The following CHD7 variants were observed in gnomAD, a reference collection of about 807,000 sequenced individuals.
CHD7 encodes the protein ATP-dependent chromatin remodeler CHD7.
Under a neutral mutation model 307.3 loss-of-function variants are expected in CHD7, and 24 were observed. The observed-to-expected ratio is 0.08, with a 90% CI of 0.06 to 0.11. The LOEUF (loss-of-function observed/expected upper bound fraction) is 0.11, where lower values mean the gene tolerates loss of function less well. Among genes scored for constraint, CHD7 ranks in the 10% least tolerant of loss-of-function variants. The pLI, the probability that CHD7 is intolerant of heterozygous loss-of-function variation, is 1.00. For missense variants in CHD7, 3,106 were observed against 3,727.1 expected, an observed-to-expected ratio of 0.83 and a Z score of 4.34; for synonymous variants, 1,363 against 1,349.9, an observed-to-expected ratio of 1.01 and a Z score of -0.21.
intron 19 of CHD7, among the ~76,000 whole-genome samples, chr8:60,839,052 G>T (rs1265515979): frequency 6.6e-6 from 1 of 152,190 alleles, no homozygotes; most frequent in Non-Finnish European, 1.5e-5. Flanking sequence ...ACCCCAGAAA[G>T]GTCCTCATGC....
intron 1 of CHD7, among the ~76,000 whole-genome samples, chr8:60,717,948 C>T (rs116151217): frequency 0.025 from 3,315 of 132,480 alleles, 125 homozygotes; most frequent in African/African-American, 0.076. Context: ...TTGGAGTATA[C>T]CCCTTCTACC....
chr8:60,699,964 G>C (rs1423213402), intron 1 of CHD7, among the ~76,000 whole-genome samples: 1 of 151,890 alleles, frequency 6.6e-6, no homozygotes, highest in Non-Finnish European at 1.5e-5. Flanking sequence ...CCGAGTAGCT[G>C]GGATTACAGG....
chr8:60,763,002 C>T (rs1390877833), intron 2 of CHD7, among the ~76,000 whole-genome samples: 1 of 149,352 alleles, frequency 6.7e-6, no homozygotes, highest in Non-Finnish European at 1.5e-5. Flanking sequence ...GGGGGGGCGG[C>T]AGGGGGAGGT....
intron 24 of CHD7, 76 bp from the exon 25 acceptor site, chr8:60,848,975 A>G: frequency 8.8e-7 from 1 of 1,136,300 alleles, no homozygotes; most frequent in Admixed American, 1.7e-5. Flanking sequence ...GAGAGAGGGC[A>G]TGTGAGCTAT....
At chr8:60,802,131 C>A (rs535707990) in intron 6 of CHD7, among the ~76,000 whole-genome samples, 1 of 152,334 alleles carries the variant, frequency 6.6e-6, no homozygotes, top group South Asian at 2.1e-4. Flanking sequence ...CTTAATACTT[C>A]AGAGTTATTC....
chr8:60,787,079 A>G (rs898779185), intron 3 of CHD7, among the ~76,000 whole-genome samples: 2 of 152,188 alleles, frequency 1.3e-5, no homozygotes, highest in South Asian at 2.1e-4. Context: ...TTAAACTTCC[A>G]TAGAATACTA....
At chr8:60,859,029 C>G (rs1202948418) in intron 34 of CHD7, among the ~76,000 whole-genome samples, 2 of 152,176 alleles carry the variant, frequency 1.3e-5, no homozygotes, top group African/African-American at 4.8e-5. Context: ...ATTCATTTCA[C>G]TATTTTAAGC....
intron 4 of CHD7, among the ~76,000 whole-genome samples, chr8:60,798,772 A>G (rs1208272125): frequency 6.6e-6 from 1 of 152,188 alleles, no homozygotes; most frequent in Non-Finnish European, 1.5e-5. Flanking sequence ...CATAGGTTGT[A>G]ATATTCTTGA....
In CHD7 at chr8:60,742,748, C is replaced by T; in HGVS notation, c.1316C>T (p.Pro439Leu). 1.2e-6 allele frequency: 2 copies of T among 1,614,016 alleles called. No individual in the cohort carries two copies. Among genetic ancestry groups the T allele is most frequent in the Non-Finnish European group, 1.7e-6 (2 of 1,179,872 alleles). The change falls in exon 2 of 38, where the codon CCC (proline) becomes CTC (leucine). Residue 439 changes from proline to leucine, a missense_variant. This residue lies in a region of CHD7 where 998 missense variants were observed against 1,004.5 expected (regional missense o/e 0.99). Transcript: ENST00000423902. ...CCCCATCCTCAGCCATCTCACCAGC[C>T]CCCTGGTGCCATGGGAATCGGACAG... ...NMPHPQPSHQ[P>L]PGAMGIGQRN...
intron 1 of CHD7, among the ~76,000 whole-genome samples, chr8:60,696,187 CTTTTTAAT>C (rs1806457349): frequency 6.6e-6 from 1 of 152,132 alleles, no homozygotes; most frequent in South Asian, 2.1e-4. Flanking sequence ...TAAATTTTTA[CTTTTTAAT>C]TTTTTAAATA....
intron 2 of CHD7, 138 bp downstream of exon 2, chr8:60,743,235 T>A: frequency 1.3e-6 from 1 of 761,466 alleles, no homozygotes. Flanking sequence ...TATTGGCTTA[T>A]GCATTTATTT....
chr8:60,865,513 GAA>G lies in CHD7; in HGVS notation c.8577_8578del (p.Ser2860HisfsTer8). ...ATGAAGACGAGAACAAAGACTCTGA[GAA>G]AAGCACAGATGCTGTTTCGGCTGCT... ...ENEDENKDSE[K>X]STDAVSAADS... On this transcript the variant is annotated frameshift_variant, in exon 38 of 38. Transcript: ENST00000423902. LOFTEE classifies it high-confidence loss of function. The surrounding 1 kb of genome is among the most constrained non-coding windows in gnomAD (Gnocchi z 4.3). The G allele has an allele frequency of 6.2e-7, 1 of 1,614,072 alleles. No individual in the cohort carries two copies.
chr8:60,817,153 G>A (rs1432326811), intron 8 of CHD7, among the ~76,000 whole-genome samples: 12 of 152,076 alleles, frequency 7.9e-5, no homozygotes, highest in African/African-American at 2.4e-4. Flanking sequence ...TGCTTACTAG[G>A]GTCTCTGGAC....
chr8:60,760,882 C>T (rs1810161390), intron 2 of CHD7, among the ~76,000 whole-genome samples: 1 of 152,222 alleles, frequency 6.6e-6, no homozygotes, highest in African/African-American at 2.4e-5. Context: ...AACACTTTTA[C>T]ACTGTTGGTG....
chr8:60,865,249 A>G lies in CHD7; in HGVS notation c.8310A>G (p.Ala2770=), dbSNP rs1361438171. The G allele has an allele frequency of 1.9e-6, 3 of 1,607,490 alleles. No individual in the cohort carries two copies. The highest frequency in any genetic ancestry group is 4.5e-5 in the East Asian group (2 of 44,674). ...NLQNLQSLQL[A]GLMGFPPGLA... ...AGAATCTCCAGTCGCTCCAGCTGGC[A>G]GGCCTCATGGGCTTCCCTCCAGGAC... is the stretch of plus-strand genomic sequence containing the variant. Residue 2770 remains alanine (A), a synonymous_variant, in exon 38 of 38, where the codon GCA becomes GCG. Transcript: ENST00000423902. The surrounding 1 kb of genome is among the most constrained non-coding windows in gnomAD (Gnocchi z 4.3).
intron 14 of CHD7, among the ~76,000 whole-genome samples, chr8:60,829,953 G>A (rs1563637796): frequency 6.6e-6 from 1 of 152,158 alleles, no homozygotes; most frequent in Non-Finnish European, 1.5e-5. Flanking sequence ...CCCTAGAAAG[G>A]AAGAGAATAG....
intron 37 of CHD7, chr8:60,863,481 A>G (rs904756613): frequency 1.3e-5 from 2 of 152,228 alleles, no homozygotes; most frequent in Non-Finnish European, 2.9e-5. Context: ...ACTGAAGGAC[A>G]TCTGGGTTAT....
At chr8:60,768,365 C>T (rs1389272541) in intron 2 of CHD7, among the ~76,000 whole-genome samples, 6 of 152,180 alleles carry the variant, frequency 3.9e-5, no homozygotes, top group Non-Finnish European at 5.9e-5. Context: ...TTATTATGAT[C>T]AGAAACCAAA....
intron 3 of CHD7, among the ~76,000 whole-genome samples, chr8:60,782,342 G>A (rs1351685761): frequency 6.6e-6 from 1 of 152,216 alleles, no homozygotes; most frequent in Non-Finnish European, 1.5e-5. Context: ...TGCATTTGCT[G>A]TGAACTTTTT....
Sources: allele counts gnomAD v4.1 joint callset (sites outside exome capture counted in the v4.1 genomes callset), GRCh38; gene constraint gnomAD v4.1.1; regional missense constraint gnomAD v4.1.1; non-coding constraint Gnocchi (gnomAD v3.1); transcripts MANE v1.5; gene names NCBI Gene and HGNC (gene_info 2026-07-23, HGNC 2026-07-21).